The following ZNF143 variants were observed in gnomAD, a reference collection of about 807,000 sequenced individuals.
ZNF143 encodes zinc finger protein 143.
In ZNF143, 49 loss-of-function variants were observed where a neutral mutation model predicts 74.1. That is an observed-to-expected ratio of 0.66 (90% CI 0.53 to 0.84). ZNF143 has a LOEUF of 0.84. Among genes scored for constraint, ZNF143 ranks in the 40% least tolerant of loss-of-function variants. The pLI, the probability that ZNF143 is intolerant of heterozygous loss-of-function variation, is 0.00. For missense variants in ZNF143, 637 were observed against 793.4 expected, an observed-to-expected ratio of 0.80 and a Z score of 2.37; for synonymous variants, 304 against 282.8, an observed-to-expected ratio of 1.07 and a Z score of -0.75.
Position 9,473,923 on chromosome 11 carries a change from T to G in ZNF143, c.206-18T>G. On this transcript the variant is annotated intron_variant, in intron 3 of 15. Coordinates refer to ENST00000396602, the MANE Select transcript of ZNF143 (RefSeq NM_003442.6). ...TTTTTGTTTGTGCCAATTTATTGTC[T>G]TGAATCTTTTGTTATAGATGCAAAA... 6.2e-7 allele frequency: 1 copy of G among 1,613,916 alleles called. No individual in the cohort carries two copies. Among genetic ancestry groups the G allele is most frequent in the Non-Finnish European group, 8.5e-7 (1 of 1,179,792 alleles).
intron 1 of ZNF143, among the ~76,000 whole-genome samples, chr11:9,465,954 A>G (rs557407257): frequency 1.6e-3 from 247 of 150,988 alleles, no homozygotes; most frequent in African/African-American, 5.8e-3. Flanking sequence ...CAGCCTCCCA[A>G]GTGGCTTGGT....
intron 1 of ZNF143, among the ~76,000 whole-genome samples, chr11:9,465,684 GTATTTTT>G (rs1856165532): frequency 1.7e-5 from 2 of 118,338 alleles, no homozygotes; most frequent in African/African-American, 6.8e-5. Context: ...TTTTTTTTTT[GTATTTTT>G]GGTAGAGACG....
At chr11:9,495,999 C>T (rs1243207537) in intron 8 of ZNF143, among the ~76,000 whole-genome samples, 1 of 152,052 alleles carries the variant, frequency 6.6e-6, no homozygotes, top group Non-Finnish European at 1.5e-5. Flanking sequence ...TCTCTCCCAG[C>T]CCCCTGCTTC....
intron 15 of ZNF143, chr11:9,525,604 G>A: frequency 5.1e-6 from 3 of 586,314 alleles, no homozygotes; most frequent in Admixed American, 3.0e-5. Flanking sequence ...GGAATTTATA[G>A]CAAGAAAAAA....
intron 14 of ZNF143, among the ~76,000 whole-genome samples, chr11:9,516,656 T>A (rs1283141750): frequency 1.3e-5 from 2 of 152,194 alleles, no homozygotes; most frequent in Non-Finnish European, 2.9e-5. Context: ...TTATCATCAT[T>A]ATCAGATACT....
At position 9,496,176 on chromosome 11, in the gene ZNF143, C is replaced by CT. The variant is rs1847951035; in HGVS notation, c.766-121dup. 11 of 769,090 alleles carry CT rather than the reference C, an allele frequency of 1.4e-5. 1 individual carries two copies. In the South Asian group the frequency reaches 1.9e-4, roughly 13 times the overall value. The allele number at this position is 769,090 out of a possible 1,614,324, so 47.6% of individuals were successfully genotyped here. On this transcript the variant is annotated intron_variant, in intron 8 of 15. Coordinates refer to ENST00000396602, the MANE Select transcript of ZNF143 (RefSeq NM_003442.6). Reference sequence around the variant, plus strand: ...TGGGCTATCGTTTTTGTGAAGTTATCTTTTTTATAAGAAAAAAGCATACAA... The same window carrying CT: ...TGGGCTATCGTTTTTGTGAAGTTATCTTTTTTTATAAGAAAAAAGCATACAA...
chr11:9,462,797 C>T (rs575432545), intron 1 of ZNF143, among the ~76,000 whole-genome samples: 43 of 152,224 alleles, frequency 2.8e-4, no homozygotes, highest in Non-Finnish European at 5.3e-4. Flanking sequence ...ATCGCTTGAA[C>T]CCAGGAGGCG....
intron 7 of ZNF143, 121 bp downstream of exon 7, chr11:9,479,667 CAATG>C (rs1240038878): frequency 2.8e-6 from 2 of 724,542 alleles, no homozygotes; most frequent in Non-Finnish European, 4.5e-6. Context: ...TTCAGAAAAA[CAATG>C]TATGTATTGG....
intron 3 of ZNF143, 112 bp downstream of exon 3, chr11:9,472,881 C>A: frequency 1.8e-6 from 1 of 553,418 alleles, no homozygotes; most frequent in Non-Finnish European, 2.9e-6. Flanking sequence ...TGCTGTATTG[C>A]ATATGATGAT....
chr11:9,482,262 A>G (rs1366523702), intron 7 of ZNF143, among the ~76,000 whole-genome samples: 3 of 136,562 alleles, frequency 2.2e-5, no homozygotes, highest in African/African-American at 5.7e-5. Flanking sequence ...GAGCTACTGT[A>G]CCCGGCCCCA....
intron 3 of ZNF143, 88 bp downstream of exon 3, chr11:9,472,857 A>T: frequency 1.2e-6 from 1 of 846,874 alleles, no homozygotes; most frequent in Non-Finnish European, 1.7e-6. Context: ...CACCTTTCCT[A>T]TGTCTCCTAA....
At chr11:9,483,720 A>G (rs1012577929) in intron 7 of ZNF143, among the ~76,000 whole-genome samples, 3 of 148,124 alleles carry the variant, frequency 2.0e-5, no homozygotes, top group Non-Finnish European at 4.4e-5. Context: ...CTGGGATTAT[A>G]GGTGTGAACC....
chr11:9,521,579 T>G (rs11042405), intron 14 of ZNF143, among the ~76,000 whole-genome samples: 2,366 of 151,930 alleles, frequency 0.016, 53 homozygotes, highest in African/African-American at 0.046. Context: ...TTGTTTTTTT[T>G]TTGTTGTTGT....
At chr11:9,526,098 T>C (rs901618866) in intron 15 of ZNF143, among the ~76,000 whole-genome samples, 4 of 152,086 alleles carry the variant, frequency 2.6e-5, no homozygotes, top group African/African-American at 9.7e-5. Context: ...TGAGCCAAGA[T>C]TGTGCCACTG....
chr11:9,515,671 A>G (rs1056825491), intron 13 of ZNF143, among the ~76,000 whole-genome samples: 1 of 150,516 alleles, frequency 6.6e-6, no homozygotes, highest in Non-Finnish European at 1.5e-5. Flanking sequence ...AAAAAAAAGA[A>G]AAAGAAAAAG....
intron 14 of ZNF143, among the ~76,000 whole-genome samples, chr11:9,524,263 TC>T (rs1272873097): frequency 6.6e-6 from 1 of 152,102 alleles, no homozygotes; most frequent in Non-Finnish European, 1.5e-5. Flanking sequence ...ACAGTGTGAC[TC>T]CCTTCTTTTG....
intron 7 of ZNF143, among the ~76,000 whole-genome samples, chr11:9,490,294 CT>C (rs56672880): frequency 1.4e-3 from 134 of 93,988 alleles, no homozygotes; most frequent in Middle Eastern, 7.5e-3. Flanking sequence ...TTTTTTTTTG[CT>C]TTTTTTTTTT....
intron 14 of ZNF143, among the ~76,000 whole-genome samples, chr11:9,517,386 C>G (rs973806884): frequency 6.6e-6 from 1 of 152,026 alleles, no homozygotes; most frequent in African/African-American, 2.4e-5. Context: ...AACACATAAC[C>G]TTGTGCACAT....
At chr11:9,467,656 G>A (rs970381688) in intron 1 of ZNF143, among the ~76,000 whole-genome samples, 2 of 151,928 alleles carry the variant, frequency 1.3e-5, no homozygotes, top group African/African-American at 2.4e-5. Flanking sequence ...GACCCGCCTG[G>A]CCAGCATGGT....
Sources: gnomAD v4.1 joint callset for allele counts (sites outside exome capture counted in the v4.1 genomes callset) on GRCh38, gnomAD v4.1.1 for gene constraint, MANE v1.5 for transcripts, NCBI Gene and HGNC (gene_info 2026-07-23, HGNC 2026-07-21) for gene names.